Variants in CACNB4 observed in about 807,000 individuals in gnomAD.
CACNB4 encodes the protein voltage-dependent L-type calcium channel subunit beta-4.
Under a neutral mutation model 71.2 loss-of-function variants are expected in CACNB4, and 32 were observed. That is an observed-to-expected ratio of 0.45 (90% CI 0.34 to 0.60). CACNB4 has a LOEUF of 0.60. Among genes scored for constraint, CACNB4 ranks in the 20% least tolerant of loss-of-function variants. The pLI is 0.01. For synonymous variants in CACNB4, 231 were observed against 236.9 expected (o/e 0.97, Z 0.23); for missense variants, 464 against 647.9 (o/e 0.72, Z 3.08).
rs201791785 is a variant in CACNB4, at chr2:151,849,264, A to AT, written c.1116+4183dup. On this transcript the variant is annotated intron_variant, in intron 12 of 13. Coordinates refer to ENST00000539935, the MANE Select transcript of CACNB4 (RefSeq NM_000726.5). ...TCCTTGAATTTAGGCAGCCTCTGTG[A>AT]TTTTTTTTTCTTTTAAGAGACAATG... Among the ~76,000 whole-genome samples, 678 of 151,532 alleles carry AT rather than the reference A, an allele frequency of 4.5e-3. 4 individuals carry two copies. Among genetic ancestry groups the AT allele is most frequent in the African/African-American group, 0.015 (632 of 41,326 alleles).
At chr2:151,938,417 A>T (rs558285696) in intron 2 of CACNB4, among the ~76,000 whole-genome samples, 1 of 152,268 alleles carries the variant, frequency 6.6e-6, no homozygotes, top group South Asian at 2.1e-4. Context: ...TCCCCAATCA[A>T]AGTTTCCATT....
At chr2:151,870,450 G>T in intron 8 of CACNB4, 81 bp downstream of exon 8, 1 of 1,193,788 alleles carries the variant, frequency 8.4e-7, no homozygotes, top group Non-Finnish European at 1.2e-6. Context: ...CGTGGAAACA[G>T]ACCCTTGAGG....
At chr2:151,877,902 A>G (rs2099846850) in intron 4 of CACNB4, among the ~76,000 whole-genome samples, 1 of 152,162 alleles carries the variant, frequency 6.6e-6, no homozygotes, top group Non-Finnish European at 1.5e-5. Flanking sequence ...TGCATTTCTA[A>G]TTATACATTT....
chr2:152,077,549 T>C (rs2105402297), intron 2 of CACNB4, among the ~76,000 whole-genome samples: 1 of 152,144 alleles, frequency 6.6e-6, no homozygotes, highest in South Asian at 2.1e-4. Flanking sequence ...CAAGACTCTG[T>C]TTTTAAACAA....
At chr2:152,065,975 A>G (rs1560174668) in intron 2 of CACNB4, among the ~76,000 whole-genome samples, 1 of 152,236 alleles carries the variant, frequency 6.6e-6, no homozygotes, top group Non-Finnish European at 1.5e-5. Flanking sequence ...TTATATCAGA[A>G]ATAATAGAAA....
chr2:152,012,327 G>A lies in CACNB4; in HGVS notation c.147+86003C>T, dbSNP rs201900638. On this transcript the variant is annotated intron_variant, in intron 2 of 13. Coordinates refer to ENST00000539935, the MANE Select transcript of CACNB4 (RefSeq NM_000726.5). ...CTTGTGTGTTAGTTTTTAATTAAAA[G>A]GCGTGGTGGCTCACACCTGTAATCC... 4.6e-5 allele frequency among the ~76,000 whole-genome samples: 7 copies of A among 152,172 alleles called. No individual in the cohort carries two copies. In the East Asian group the frequency reaches 1.2e-3, roughly 25 times the overall value.
intron 4 of CACNB4, among the ~76,000 whole-genome samples, chr2:151,877,233 C>T (rs1043203982): frequency 9.9e-5 from 15 of 152,078 alleles, no homozygotes; most frequent in African/African-American, 3.4e-4. Context: ...TTGCAGACCA[C>T]GTGGTCTCTG....
intron 6 of CACNB4, 164 bp from the exon 7 acceptor site, chr2:151,871,025 C>G (rs948815842): frequency 3.3e-6 from 2 of 611,608 alleles, no homozygotes; most frequent in South Asian, 2.1e-5. Flanking sequence ...ATTCTGGACA[C>G]GTCAATTTTG....
At chr2:151,905,474 C>T (rs1408587472) in intron 2 of CACNB4, among the ~76,000 whole-genome samples, 1 of 152,150 alleles carries the variant, frequency 6.6e-6, no homozygotes, top group Non-Finnish European at 1.5e-5. Context: ...ATTGTCAAAA[C>T]CAAGTGTTTG....
chr2:151,943,815 G>T (rs2099864865), intron 2 of CACNB4, among the ~76,000 whole-genome samples: 1 of 152,156 alleles, frequency 6.6e-6, no homozygotes, highest in South Asian at 2.1e-4. Context: ...CAAATATTCA[G>T]AGGCTGGCAG....
intron 2 of CACNB4, among the ~76,000 whole-genome samples, chr2:152,089,876 G>C (rs1219144033): frequency 1.3e-5 from 2 of 152,138 alleles, no homozygotes; most frequent in Admixed American, 1.3e-4. Context: ...AGGAGGTTGA[G>C]GCTGCAGGGA....
intron 12 of CACNB4, among the ~76,000 whole-genome samples, chr2:151,847,153 G>A (rs577557067): frequency 6.6e-6 from 1 of 150,642 alleles, no homozygotes; most frequent in Non-Finnish European, 1.5e-5. Context: ...GCCAAGGCAG[G>A]AGGATTAGTT....
chr2:151,848,141 C>T (rs957805464), intron 12 of CACNB4, among the ~76,000 whole-genome samples: 2 of 152,238 alleles, frequency 1.3e-5, no homozygotes, highest in East Asian at 1.9e-4. Context: ...AAAAGGTATC[C>T]CATGCTTCTG....
intron 9 of CACNB4, chr2:151,861,164 A>G: frequency 4.9e-6 from 1 of 204,590 alleles, no homozygotes; most frequent in Non-Finnish European, 9.7e-6. Flanking sequence ...GGAAGTAGCA[A>G]TACAATTTGC....
chr2:152,096,913 T>C lies in CACNB4; in HGVS notation c.147+1417A>G, dbSNP rs183360648. 5.8e-4 allele frequency among the ~76,000 whole-genome samples: 89 copies of C among 152,288 alleles called. 1 individual carries two copies. Among genetic ancestry groups the C allele is most frequent in the Admixed American group, 5.0e-3 (77 of 15,284 alleles). ...TGTGTAATTAGTATTTCCAAGAATT[T>C]GCAACAATGAAACACCACTAAAAAT... On this transcript the variant is annotated intron_variant, in intron 2 of 13. Transcript: ENST00000539935.
At chr2:152,082,147 A>G (rs1471480957) in intron 2 of CACNB4, among the ~76,000 whole-genome samples, 1 of 152,224 alleles carries the variant, frequency 6.6e-6, no homozygotes, top group Non-Finnish European at 1.5e-5. Flanking sequence ...CACATTTCAC[A>G]AATACTTCAT....
At chr2:151,924,896 A>G (rs1045651607) in intron 2 of CACNB4, among the ~76,000 whole-genome samples, 1 of 152,118 alleles carries the variant, frequency 6.6e-6, no homozygotes, top group African/African-American at 2.4e-5. Flanking sequence ...CAATGATTCT[A>G]TCGTTTTTTT....
chr2:152,017,713 C>CAA (rs564691685), intron 2 of CACNB4, among the ~76,000 whole-genome samples: 7 of 144,900 alleles, frequency 4.8e-5, no homozygotes, highest in African/African-American at 1.3e-4. Context: ...GTCTCAACAA[C>CAA]AAAAAAAAAA....
At chr2:151,867,503 C>T (rs1454231055) in intron 9 of CACNB4, 1 of 152,216 alleles carries the variant, frequency 6.6e-6, no homozygotes, top group African/African-American at 2.4e-5. Flanking sequence ...ATCCTTCCAA[C>T]TCCAATGCTC....
Sources: allele counts gnomAD v4.1 joint callset (sites outside exome capture counted in the v4.1 genomes callset), GRCh38; gene constraint gnomAD v4.1.1; transcripts MANE v1.5; gene names NCBI Gene and HGNC (gene_info 2026-07-23, HGNC 2026-07-21).